Variants in RPS6KC1 observed in about 807,000 individuals in gnomAD.
RPS6KC1 encodes inactive ribosomal protein S6 kinase delta-1.
Under a neutral mutation model 103.8 loss-of-function variants are expected in RPS6KC1, and 54 were observed. The observed-to-expected ratio is 0.52, with a 90% CI of 0.42 to 0.65. The LOEUF (loss-of-function observed/expected upper bound fraction) is 0.65. RPS6KC1 is among the 30% of genes least tolerant of loss of function. RPS6KC1 has a pLI of 0.00. For missense variants in RPS6KC1, 1,151 were observed against 1,253.8 expected (o/e 0.92, Z 1.24); for synonymous variants, 439 against 438.7 (o/e 1.00, Z -0.01).
At chr1:213,500,855 T>C in the RPS6KC1 span, among the ~76,000 whole-genome samples, 1 of 151,774 alleles carries the variant, frequency 6.6e-6, no homozygotes, top group African/African-American at 2.4e-5. Flanking sequence ...GGTGTCTATA[T>C]GTAAAACAAA....
the RPS6KC1 span, among the ~76,000 whole-genome samples, chr1:213,514,527 G>T: frequency 5.9e-5 from 9 of 151,922 alleles, no homozygotes; most frequent in Non-Finnish European, 1.3e-4. Flanking sequence ...ATGGTTTCCA[G>T]CTTCATCCAT....
the RPS6KC1 span, among the ~76,000 whole-genome samples, chr1:213,584,607 C>T: frequency 6.6e-6 from 1 of 152,128 alleles, no homozygotes. Context: ...TCATTTCTTC[C>T]CTAATATTAT....
intron 8 of RPS6KC1, among the ~76,000 whole-genome samples, chr1:213,194,236 G>A (rs1345548423): frequency 6.6e-6 from 1 of 152,136 alleles, no homozygotes; most frequent in Non-Finnish European, 1.5e-5. Context: ...AGGCAAAGCA[G>A]CATTGGGTTT....
At chr1:213,826,028 G>A in the RPS6KC1 span, among the ~76,000 whole-genome samples, 1 of 152,140 alleles carries the variant, frequency 6.6e-6, no homozygotes, top group South Asian at 2.1e-4. Flanking sequence ...AATGACAGAT[G>A]ATCGTCTTAT....
intron 8 of RPS6KC1, among the ~76,000 whole-genome samples, chr1:213,191,593 A>G (rs1343861404): frequency 6.6e-6 from 1 of 152,120 alleles, no homozygotes; most frequent in Non-Finnish European, 1.5e-5. Context: ...AACAAGGATA[A>G]TTTGAGTTCT....
chr1:213,176,272 T>A (rs1205408736), intron 7 of RPS6KC1, 128 bp from the exon 8 acceptor site: 1 of 494,614 alleles, frequency 2.0e-6, no homozygotes, highest in Non-Finnish European at 3.6e-6. Flanking sequence ...AGAAACTTCT[T>A]CCTTTCATCT....
At chr1:213,475,701 A>G in the RPS6KC1 span, among the ~76,000 whole-genome samples, 1 of 152,108 alleles carries the variant, frequency 6.6e-6, no homozygotes, top group African/African-American at 2.4e-5. Context: ...TTGAGCTTCC[A>G]GGACTAGATG....
the RPS6KC1 span, among the ~76,000 whole-genome samples, chr1:213,738,940 T>A: frequency 2.0e-5 from 3 of 150,452 alleles, no homozygotes; most frequent in African/African-American, 4.9e-5. Flanking sequence ...TTTTTTTTTT[T>A]AAATGGAAGA....
chr1:213,639,237 T>C, the RPS6KC1 span, among the ~76,000 whole-genome samples: 1 of 152,116 alleles, frequency 6.6e-6, no homozygotes, highest in Non-Finnish European at 1.5e-5. Flanking sequence ...AGGAGGTTTT[T>C]GGTAGAGCCC....
At chr1:213,610,383 T>C in the RPS6KC1 span, among the ~76,000 whole-genome samples, 1 of 152,178 alleles carries the variant, frequency 6.6e-6, no homozygotes, top group Non-Finnish European at 1.5e-5. Context: ...TCAAGAACTA[T>C]TGCTTTGCCT....
chr1:213,355,232 AAG>A, the RPS6KC1 span, among the ~76,000 whole-genome samples: 349 of 151,894 alleles, frequency 2.3e-3, 13 homozygotes, highest in East Asian at 0.053. Context: ...GGAAAAAAAA[AAG>A]AGAGAGAGAG....
the RPS6KC1 span, among the ~76,000 whole-genome samples, chr1:213,704,086 C>T: frequency 6.6e-6 from 1 of 152,080 alleles, no homozygotes; most frequent in Admixed American, 6.6e-5. Context: ...TGCTAATCTG[C>T]TCTTAAAAAC....
the RPS6KC1 span, among the ~76,000 whole-genome samples, chr1:213,778,852 G>A: frequency 1.3e-5 from 2 of 152,190 alleles, no homozygotes; most frequent in South Asian, 4.2e-4. Flanking sequence ...TCTCTGAGAT[G>A]CCCACAGCCA....
At chr1:213,659,256 C>T in the RPS6KC1 span, among the ~76,000 whole-genome samples, 1 of 152,158 alleles carries the variant, frequency 6.6e-6, no homozygotes. Flanking sequence ...TGAGCCACCA[C>T]ACCTGGCCTC....
intron 12 of RPS6KC1, among the ~76,000 whole-genome samples, chr1:213,257,714 A>T (rs1437988476): frequency 2.0e-5 from 3 of 151,518 alleles, no homozygotes; most frequent in Non-Finnish European, 4.4e-5. Context: ...TGGAAAGTAA[A>T]GCTGGTTGGT....
intron 8 of RPS6KC1, among the ~76,000 whole-genome samples, chr1:213,197,193 G>A (rs766349840): frequency 2.0e-5 from 3 of 152,174 alleles, no homozygotes; most frequent in Non-Finnish European, 2.9e-5. Flanking sequence ...TAGCCTTGTA[G>A]TACAGTTTGA....
chr1:213,293,829 A>G, the RPS6KC1 span, among the ~76,000 whole-genome samples: 1 of 152,236 alleles, frequency 6.6e-6, no homozygotes, highest in Non-Finnish European at 1.5e-5. Flanking sequence ...ATAATTATGT[A>G]GGAACTGAGT....
At chr1:213,766,539 C>T in the RPS6KC1 span, among the ~76,000 whole-genome samples, 1 of 152,174 alleles carries the variant, frequency 6.6e-6, no homozygotes, top group East Asian at 1.9e-4. Flanking sequence ...ACATAAGTTC[C>T]CACATAGGAA....
chr1:213,748,671 A>C, the RPS6KC1 span, among the ~76,000 whole-genome samples: 4 of 152,258 alleles, frequency 2.6e-5, no homozygotes, highest in Non-Finnish European at 5.9e-5. Context: ...AAAACCAAAT[A>C]ATGATGCTGG....
Sources: allele counts gnomAD v4.1 joint callset (sites outside exome capture counted in the v4.1 genomes callset), GRCh38; gene constraint gnomAD v4.1.1; transcripts MANE v1.5; gene names NCBI Gene and HGNC (gene_info 2026-07-23, HGNC 2026-07-21).